Variants in OLA1 observed in about 807,000 individuals in gnomAD.
OLA1 encodes the protein Obg like ATPase 1.
OLA1 carries 14 observed loss-of-function variants against 48.4 expected under a neutral mutation model. The ratio of observed to expected loss-of-function variants is 0.29; its 90% CI spans 0.19 to 0.45. The LOEUF (loss-of-function observed/expected upper bound fraction) is 0.45. Ranked by LOEUF, OLA1 falls within the 20% of genes least tolerant of loss-of-function variation. The pLI is 1.00. For synonymous variants in OLA1, 127 were observed against 150.4 expected, an observed-to-expected ratio of 0.84 and a Z score of 1.14; for missense variants, 325 against 467.1, an observed-to-expected ratio of 0.70 and a Z score of 2.80.
At chr2:174,126,229 A>G (rs1303234828) in intron 5 of OLA1, among the ~76,000 whole-genome samples, 1 of 152,094 alleles carries the variant, frequency 6.6e-6, no homozygotes, top group Non-Finnish European at 1.5e-5. Context: ...TATAATACTT[A>G]TTGGTTGATT....
At chr2:174,201,172 G>A (rs1040879228) in intron 4 of OLA1, among the ~76,000 whole-genome samples, 3 of 152,198 alleles carry the variant, frequency 2.0e-5, no homozygotes, top group Non-Finnish European at 4.4e-5. Flanking sequence ...TTGTAAGGTA[G>A]AGGAGACTAA....
chr2:174,153,157 C>G (rs1311041311), intron 4 of OLA1, among the ~76,000 whole-genome samples: 1 of 152,148 alleles, frequency 6.6e-6, no homozygotes, highest in African/African-American at 2.4e-5. Flanking sequence ...ATGATTCCTA[C>G]AGGACTTTCA....
intron 7 of OLA1, among the ~76,000 whole-genome samples, chr2:174,121,836 C>A (rs577246963): frequency 6.6e-6 from 1 of 152,076 alleles, no homozygotes; most frequent in African/African-American, 2.4e-5. Context: ...CTGTAATCAT[C>A]CAAATACAGG....
intron 7 of OLA1, among the ~76,000 whole-genome samples, chr2:174,117,104 G>T (rs1685802410): frequency 6.6e-6 from 1 of 152,080 alleles, no homozygotes; most frequent in Non-Finnish European, 1.5e-5. Flanking sequence ...GTGATATCAT[G>T]GGAGTCTCAC....
At position 174,125,874 on chromosome 2, in the gene OLA1, T is replaced by C. The variant is rs114153894; in HGVS notation, c.550-2199A>G. The stretch of plus-strand genomic sequence containing the variant: ...AGTATTCCTTAAAGCCACATTCAAA[T>C]ATTTTTAGAGAAATTTATATATTAT... On this transcript the variant is annotated intron_variant, in intron 5 of 10. Coordinates refer to ENST00000284719, the MANE Select transcript of OLA1 (RefSeq NM_013341.5). Among the ~76,000 whole-genome samples the C allele has an allele frequency of 8.0e-3, 1,214 of 152,294 alleles. 18 individuals are homozygous for C. Among genetic ancestry groups the C allele is most frequent in the African/African-American group, 0.028 (1,144 of 41,580 alleles).
intron 7 of OLA1, among the ~76,000 whole-genome samples, chr2:174,108,807 T>G (rs1473171882): frequency 6.6e-6 from 1 of 152,200 alleles, no homozygotes; most frequent in African/African-American, 2.4e-5. Context: ...ATCAAGGACA[T>G]ATGTAACATC....
chr2:174,209,968 A>G (rs1032665434), intron 4 of OLA1, among the ~76,000 whole-genome samples: 1 of 152,176 alleles, frequency 6.6e-6, no homozygotes, highest in African/African-American at 2.4e-5. Flanking sequence ...TGAAATCTGT[A>G]TAGCTGCTAA....
At chr2:174,081,872 C>T in intron 8 of OLA1, 52 bp downstream of exon 8, 3 of 1,563,384 alleles carry the variant, frequency 1.9e-6, no homozygotes. Flanking sequence ...AATTAAATTA[C>T]TGCAAGGAAA....
At chr2:174,239,370 CA>C (rs1247748129) in intron 2 of OLA1, among the ~76,000 whole-genome samples, 2 of 152,166 alleles carry the variant, frequency 1.3e-5, no homozygotes, top group African/African-American at 4.8e-5. Context: ...GACAAATCAA[CA>C]TCATGTGCTT....
intron 4 of OLA1, among the ~76,000 whole-genome samples, chr2:174,173,147 T>C (rs1687345583): frequency 6.6e-6 from 1 of 152,102 alleles, no homozygotes; most frequent in South Asian, 2.1e-4. Flanking sequence ...AATGCAAAAA[T>C]GGACTAACAC....
chr2:174,149,847 G>C (rs1304329581), intron 4 of OLA1, among the ~76,000 whole-genome samples: 1 of 152,140 alleles, frequency 6.6e-6, no homozygotes, highest in Non-Finnish European at 1.5e-5. Context: ...ACTCTGTTTA[G>C]GATGCTGAAT....
chr2:174,188,011 T>C (rs1049746942), intron 4 of OLA1, among the ~76,000 whole-genome samples: 8 of 152,186 alleles, frequency 5.3e-5, no homozygotes, highest in African/African-American at 1.9e-4. Context: ...CAAGCTGGAA[T>C]GAGGCTCCAG....
rs71021680 is a variant in OLA1 at position 174,223,765 on chromosome 2, C to CAAAAAAAAAAAAAAAA, written c.246-621_246-606dup. Among the ~76,000 whole-genome samples, 7 of 73,342 alleles carry CAAAAAAAAAAAAAAAA rather than the reference C, an allele frequency of 9.5e-5. 1 individual carries two copies. Among genetic ancestry groups the CAAAAAAAAAAAAAAAA allele is most frequent in the Non-Finnish European group, 1.1e-4 (4 of 38,086 alleles). 48.1% of individuals were successfully genotyped at this position (73,342 alleles called of 152,430 possible). A position where few individuals can be genotyped will look rare whatever the true frequency, so the allele number is the denominator to read the frequency against. Reference sequence around the variant, plus strand: ...TTTGATCACCCACATGTTATATAGACAAAAAAAAAAAAAAAAAAAAAAAGC... The same window carrying CAAAAAAAAAAAAAAAA: ...TTTGATCACCCACATGTTATATAGACAAAAAAAAAAAAAAAAAAAAAAAAAAAAAAAAAAAAAAAGC... On this transcript the variant is annotated intron_variant, in intron 3 of 10. Coordinates refer to ENST00000284719, the MANE Select transcript of OLA1 (RefSeq NM_013341.5).
At position 174,105,531 on chromosome 2, in the gene OLA1, G is replaced by C. The variant is rs534994080; in HGVS notation, c.728+17649C>G. Reference sequence around the variant, plus strand: ...CAATTCTTCAATGTTCTGTTTTCTAGATTAATCTATGCCATACAACTACGA... The same window carrying C: ...CAATTCTTCAATGTTCTGTTTTCTACATTAATCTATGCCATACAACTACGA... On this transcript the variant is annotated intron_variant, in intron 7 of 10. Transcript: ENST00000284719. 6.6e-5 allele frequency among the ~76,000 whole-genome samples: 10 copies of C among 152,028 alleles called. No homozygotes were observed. In the East Asian group the frequency reaches 1.4e-3, roughly 21 times the overall value.
rs1452091415 is a variant in OLA1, at chr2:174,074,337, CCAT to C, written c.*1086_*1088del. 6.6e-6 allele frequency: 1 copy of C among 152,168 alleles called. No homozygotes were observed. The highest frequency in any genetic ancestry group is 1.5e-5 in the Non-Finnish European group (1 of 68,050). The allele number at this position is 152,168 out of a possible 1,614,324, so 9.4% of individuals were successfully genotyped here. ...GCTCAGGGCCGAGAGAGCTTTCAGG[CCAT>C]CATCACAAGAGAAGGCTAAGTGGCA... On this transcript the variant is annotated 3_prime_UTR_variant, in exon 11 of 11. Transcript: ENST00000284719.
intron 4 of OLA1, among the ~76,000 whole-genome samples, chr2:174,199,769 C>T (rs765735271): frequency 1.3e-4 from 20 of 152,020 alleles, no homozygotes; most frequent in Non-Finnish European, 2.2e-4. Flanking sequence ...TTCCACATTC[C>T]GATTAACTTT....
At position 174,095,340 on chromosome 2, in the gene OLA1, TTTTTTTTTTGTTG is replaced by T. The variant is rs1361167068; in HGVS notation, c.729-13289_729-13277del. On this transcript the variant is annotated intron_variant, in intron 7 of 10. Coordinates refer to ENST00000284719, the MANE Select transcript of OLA1 (RefSeq NM_013341.5). ...GTTATTTCCTGTTTTTTTTTTTTTT[TTTTTTTTTTGTTG>T]TTGTTGTTGTTTTTATAGTGGCTTC... 9.5e-5 allele frequency among the ~76,000 whole-genome samples: 12 copies of T among 125,822 alleles called. 1 individual carries two copies. Among genetic ancestry groups the T allele is most frequent in the Admixed American group, 5.6e-4 (7 of 12,488 alleles). 82.5% of individuals were successfully genotyped at this position (125,822 alleles called of 152,430 possible). A position where few individuals can be genotyped will look rare whatever the true frequency, so the allele number is the denominator to read the frequency against.
chr2:174,126,746 T>C lies in OLA1; in HGVS notation c.550-3071A>G, dbSNP rs570340712. Among the ~76,000 whole-genome samples, 4 of 152,334 alleles carry C rather than the reference T, an allele frequency of 2.6e-5. No homozygotes were observed. In the East Asian group the frequency reaches 7.7e-4, roughly 29 times the overall value. ...TGGCACAGAATGAATTCTCAATAAA[T>C]GTGAGTAGTTGCCATTGTTGTTATG... On this transcript the variant is annotated intron_variant, in intron 5 of 10. Coordinates refer to ENST00000284719, the MANE Select transcript of OLA1 (RefSeq NM_013341.5).
chr2:174,223,708 T>C (rs1166461228), intron 3 of OLA1, among the ~76,000 whole-genome samples: 2 of 136,338 alleles, frequency 1.5e-5, no homozygotes, highest in Non-Finnish European at 3.0e-5. Context: ...GTGACAAAAC[T>C]GGGATTCAAA....
Sources: gnomAD v4.1 joint callset for allele counts (sites outside exome capture counted in the v4.1 genomes callset) on GRCh38, gnomAD v4.1.1 for gene constraint, MANE v1.5 for transcripts, NCBI Gene and HGNC (gene_info 2026-07-23, HGNC 2026-07-21) for gene names.